Variants in ESR1 observed in about 807,000 individuals in gnomAD.
ESR1 encodes the protein estrogen receptor.
Under a neutral mutation model 52.7 loss-of-function variants are expected in ESR1, and 12 were observed. That is an observed-to-expected ratio of 0.23 (90% CI 0.15 to 0.37). The LOEUF (loss-of-function observed/expected upper bound fraction) is 0.37, where lower values mean the gene tolerates loss of function less well. Among genes scored for constraint, ESR1 ranks in the 10% least tolerant of loss-of-function variants. ESR1 has a pLI of 1.00. For synonymous variants in ESR1, 305 were observed against 316.8 expected (o/e 0.96, Z 0.39); for missense variants, 584 against 779.7 (o/e 0.75, Z 2.99).
chr6:151,957,296 A>G (rs1002347576), intron 4 of ESR1, among the ~76,000 whole-genome samples: 6 of 152,158 alleles, frequency 3.9e-5, no homozygotes, highest in African/African-American at 1.4e-4. Context: ...GAGGATTTGG[A>G]TATAATTAAT....
At chr6:151,770,911 A>T (rs565628224) in intron 2 of ESR1, among the ~76,000 whole-genome samples, 5 of 152,334 alleles carry the variant, frequency 3.3e-5, no homozygotes, top group African/African-American at 1.2e-4. Flanking sequence ...AAGTGTTCAG[A>T]TGGCAGAGAA....
intron 4 of ESR1, among the ~76,000 whole-genome samples, chr6:151,970,536 T>A (rs923496617): frequency 2.0e-5 from 3 of 152,138 alleles, no homozygotes; most frequent in Non-Finnish European, 4.4e-5. Flanking sequence ...CAGATCTCAG[T>A]TAACTAAAGA....
chr6:152,111,225 C>T (rs915278239), intron 6 of ESR1, among the ~76,000 whole-genome samples: 2 of 152,190 alleles, frequency 1.3e-5, no homozygotes, highest in African/African-American at 2.4e-5. Context: ...GAACTGTCAC[C>T]TCACTAAATG....
intron 4 of ESR1, among the ~76,000 whole-genome samples, chr6:151,991,709 G>A (rs935991899): frequency 2.0e-5 from 3 of 152,112 alleles, no homozygotes; most frequent in African/African-American, 4.8e-5. Flanking sequence ...GAAATGACAC[G>A]ATGAGCAGAA....
intron 2 of ESR1, among the ~76,000 whole-genome samples, chr6:151,721,138 C>T (rs1024246002): frequency 6.6e-6 from 1 of 152,112 alleles, no homozygotes; most frequent in Non-Finnish European, 1.5e-5. Flanking sequence ...TGAAGTCTTT[C>T]AGGAGGAGGT....
At chr6:151,751,137 A>T (rs1276252003) in intron 2 of ESR1, among the ~76,000 whole-genome samples, 1 of 152,210 alleles carries the variant, frequency 6.6e-6, no homozygotes, top group African/African-American at 2.4e-5. Context: ...TGACTTTGCC[A>T]TATGATCCTA....
chr6:151,752,762 CTATT>C (rs1209853349), intron 2 of ESR1, among the ~76,000 whole-genome samples: 7 of 152,250 alleles, frequency 4.6e-5, no homozygotes, highest in Admixed American at 3.9e-4. Context: ...CATTCAGAAA[CTATT>C]TATGAGGGTT....
chr6:151,950,954 G>T (rs2036258721), intron 4 of ESR1, among the ~76,000 whole-genome samples: 1 of 151,686 alleles, frequency 6.6e-6, no homozygotes, highest in African/African-American at 2.4e-5. Context: ...GGAAGGTTTG[G>T]CTCATCTAGT....
chr6:152,074,892 T>C (rs780768303), intron 6 of ESR1, among the ~76,000 whole-genome samples: 15 of 152,230 alleles, frequency 9.9e-5, no homozygotes, highest in Non-Finnish European at 2.2e-4. Context: ...TCTTCTGTGG[T>C]GAGGTGTCTG....
intron 3 of ESR1, among the ~76,000 whole-genome samples, chr6:151,892,789 G>A (rs185300368): frequency 6.6e-6 from 1 of 152,066 alleles, no homozygotes; most frequent in African/African-American, 2.4e-5. Flanking sequence ...TATCCAGTAG[G>A]TATAAACCAA....
At chr6:151,944,698 T>A (rs916990393) in intron 4 of ESR1, among the ~76,000 whole-genome samples, 190 bp downstream of exon 4, 2 of 152,198 alleles carry the variant, frequency 1.3e-5, no homozygotes, top group African/African-American at 4.8e-5. Flanking sequence ...ATAATATTTT[T>A]AAATCAGAAT....
At chr6:151,793,158 G>A (rs1210026444) in intron 2 of ESR1, among the ~76,000 whole-genome samples, 5 of 149,236 alleles carry the variant, frequency 3.4e-5, no homozygotes, top group African/African-American at 9.9e-5. Flanking sequence ...GCGACAGAAC[G>A]AGACTCTATC....
rs73780837 is a variant in ESR1, at chr6:151,683,012, G to A, written n.74-18863G>A. ...GAAAATTAGACTCATATTACTATCC[G>A]GGTGAAGCATATTTTGTACTTATGG... On this transcript the variant is annotated intron_variant and non_coding_transcript_variant, in intron 1 of 2. Coordinates refer to the ESR1 transcript ENST00000473497. Among the ~76,000 whole-genome samples the A allele has an allele frequency of 4.5e-3, 691 of 152,240 alleles. 4 individuals are homozygous for A. Among genetic ancestry groups the A allele is most frequent in the African/African-American group, 0.014 (584 of 41,552 alleles).
intron 3 of ESR1, among the ~76,000 whole-genome samples, chr6:151,939,041 A>G (rs944400912): frequency 2.0e-5 from 3 of 152,222 alleles, no homozygotes; most frequent in Admixed American, 6.5e-5. Context: ...TTGAGCTATA[A>G]TGACAGTGTA....
At chr6:151,765,788 G>A (rs1785005202) in intron 2 of ESR1, among the ~76,000 whole-genome samples, 1 of 152,142 alleles carries the variant, frequency 6.6e-6, no homozygotes, top group South Asian at 2.1e-4. Flanking sequence ...ACAGATGGCT[G>A]TTGCTTATGA....
At chr6:151,710,345 A>C (rs1195747864) in intron 2 of ESR1, among the ~76,000 whole-genome samples, 1 of 152,104 alleles carries the variant, frequency 6.6e-6, no homozygotes, top group African/African-American at 2.4e-5. Context: ...ACTGATCAAA[A>C]TGAAGATGCT....
chr6:151,661,161 A>G (rs1013038733), intron 1 of ESR1, among the ~76,000 whole-genome samples: 2 of 152,236 alleles, frequency 1.3e-5, no homozygotes, highest in Non-Finnish European at 2.9e-5. Context: ...AAATTCTTAC[A>G]ATTTTGTATT....
intron 2 of ESR1, among the ~76,000 whole-genome samples, chr6:151,868,794 A>G (rs1304290946): frequency 6.6e-6 from 1 of 152,116 alleles, no homozygotes; most frequent in Non-Finnish European, 1.5e-5. Flanking sequence ...TTTCAATAGA[A>G]CAATTTATTT....
At chr6:152,056,138 A>G (rs2047082184) in intron 5 of ESR1, among the ~76,000 whole-genome samples, 1 of 152,158 alleles carries the variant, frequency 6.6e-6, no homozygotes, top group Non-Finnish European at 1.5e-5. Context: ...ATCACTTACA[A>G]TTTCCATCTT....
Sources: allele counts gnomAD v4.1 joint callset (sites outside exome capture counted in the v4.1 genomes callset), GRCh38; gene constraint gnomAD v4.1.1; transcripts MANE v1.5; gene names NCBI Gene and HGNC (gene_info 2026-07-23, HGNC 2026-07-21).